KAT6B: variants seen among roughly 807,000 people sequenced by gnomAD.
The protein encoded by KAT6B is histone acetyltransferase KAT6B.
A neutral mutation model predicts 187.5 loss-of-function variants in KAT6B; 10 were observed. The ratio of observed to expected loss-of-function variants is 0.05; its 90% CI spans 0.03 to 0.09. KAT6B has a LOEUF of 0.09. Among genes scored for constraint, KAT6B ranks in the 10% least tolerant of loss-of-function variants. The probability of loss-of-function intolerance (pLI) is 1.00; values close to 1 mark genes in which losing one functional copy is unlikely to be tolerated. For synonymous variants in KAT6B, 861 were observed against 926.8 expected (o/e 0.93, Z 1.29); for missense variants, 1,952 against 2,558.9 (o/e 0.76, Z 5.12).
chr10:75,024,821 G>A, intron 16 of KAT6B, 137 bp from the exon 17 acceptor site: 2 of 775,896 alleles, frequency 2.6e-6, no homozygotes, highest in Admixed American at 4.1e-5. Flanking sequence ...TCAAATGGAA[G>A]GTTAAGTACA....
intron 13 of KAT6B, among the ~76,000 whole-genome samples, chr10:75,009,626 G>A (rs1332399232): frequency 6.6e-6 from 1 of 152,144 alleles, no homozygotes; most frequent in Non-Finnish European, 1.5e-5. Flanking sequence ...TAATGCTGCT[G>A]GTGACGATAC....
intron 3 of KAT6B, among the ~76,000 whole-genome samples, chr10:74,871,197 T>TC (rs1843928799): frequency 1.4e-5 from 2 of 139,300 alleles, no homozygotes; most frequent in Admixed American, 1.4e-4. Context: ...TTTTTTTTTT[T>TC]TTTTTTTTTT....
chr10:74,895,893 A>G (rs1845953996), intron 3 of KAT6B, among the ~76,000 whole-genome samples: 1 of 151,982 alleles, frequency 6.6e-6, no homozygotes, highest in Non-Finnish European at 1.5e-5. Flanking sequence ...ATGTCCAAAG[A>G]TTCCCTAAAA....
chr10:74,892,512 A>G (rs956348439), intron 3 of KAT6B, among the ~76,000 whole-genome samples: 2 of 152,198 alleles, frequency 1.3e-5, no homozygotes, highest in African/African-American at 4.8e-5. Flanking sequence ...TGATACCTCT[A>G]ACCACCTTTT....
chr10:74,830,012 G>A (rs1236747555), intron 1 of KAT6B, among the ~76,000 whole-genome samples: 2 of 133,394 alleles, frequency 1.5e-5, no homozygotes, highest in South Asian at 5.0e-4. Flanking sequence ...GCGAGACTCT[G>A]TCTCAAAAAA....
intron 3 of KAT6B, among the ~76,000 whole-genome samples, chr10:74,938,044 C>A (rs972224246): frequency 6.6e-6 from 1 of 152,200 alleles, no homozygotes; most frequent in East Asian, 1.9e-4. Flanking sequence ...CTCCTGGGCT[C>A]AAGCCATCCT....
intron 3 of KAT6B, among the ~76,000 whole-genome samples, chr10:74,884,067 TAGAC>T (rs751101694): frequency 9.2e-5 from 14 of 152,362 alleles, no homozygotes; most frequent in South Asian, 4.1e-4. Context: ...ACAGCCTACT[TAGAC>T]AGTTCCTTTA....
intron 3 of KAT6B, among the ~76,000 whole-genome samples, chr10:74,846,586 G>A (rs897000086): frequency 1.3e-4 from 20 of 151,996 alleles, no homozygotes; most frequent in African/African-American, 4.1e-4. Flanking sequence ...CTACAGGAGC[G>A]TGCCACCATG....
chr10:74,869,405 C>T (rs1470367018), intron 3 of KAT6B, among the ~76,000 whole-genome samples: 1 of 152,086 alleles, frequency 6.6e-6, no homozygotes, highest in Non-Finnish European at 1.5e-5. Context: ...TCAGGTGATT[C>T]TCCTGCTTCA....
chr10:74,876,350 C>CT (rs909734477), intron 3 of KAT6B, among the ~76,000 whole-genome samples: 3 of 151,952 alleles, frequency 2.0e-5, no homozygotes, highest in South Asian at 2.1e-4. Context: ...ACTGGCATTA[C>CT]TTTTTTTTCT....
intron 3 of KAT6B, among the ~76,000 whole-genome samples, chr10:74,853,109 CTTT>C (rs1233676750): frequency 2.6e-5 from 3 of 113,744 alleles, no homozygotes; most frequent in African/African-American, 8.0e-5. Context: ...TTTCTTTCAT[CTTT>C]TTTTTTTTTT....
At chr10:74,916,181 TAAATA>T (rs895427225) in intron 3 of KAT6B, among the ~76,000 whole-genome samples, 43 of 152,070 alleles carry the variant, frequency 2.8e-4, no homozygotes, top group African/African-American at 1.0e-3. Flanking sequence ...AAAAAATAAA[TAAATA>T]AAATCTATAA....
At chr10:74,854,908 A>G (rs954774342) in intron 3 of KAT6B, among the ~76,000 whole-genome samples, 5 of 152,154 alleles carry the variant, frequency 3.3e-5, no homozygotes, top group African/African-American at 9.7e-5. Context: ...CTTTACTTAC[A>G]AGTTCAATTT....
At chr10:75,024,319 C>G (rs1200623410) in intron 16 of KAT6B, 2 of 152,216 alleles carry the variant, frequency 1.3e-5, no homozygotes, top group Non-Finnish European at 2.9e-5. Flanking sequence ...TTTTTAGATT[C>G]CTTCTATTAA....
intron 3 of KAT6B, among the ~76,000 whole-genome samples, chr10:74,915,752 C>G (rs1041803077): frequency 2.0e-5 from 3 of 152,216 alleles, no homozygotes; most frequent in Admixed American, 6.5e-5. Context: ...CAAAAGGTTG[C>G]ATGTGCTGGT....
At chr10:74,892,370 A>C (rs543195303) in intron 3 of KAT6B, among the ~76,000 whole-genome samples, 1 of 152,128 alleles carries the variant, frequency 6.6e-6, no homozygotes, top group Admixed American at 6.5e-5. Flanking sequence ...CCTGTCTCCT[A>C]TAAAGGCAGC....
chr10:74,988,652 T>C (rs1205831388), intron 12 of KAT6B, among the ~76,000 whole-genome samples: 2 of 151,068 alleles, frequency 1.3e-5, no homozygotes, highest in Non-Finnish European at 2.9e-5. Context: ...AATCCTAACT[T>C]ACTCCACTGG....
chr10:74,921,815 TG>T (rs1271092443), intron 3 of KAT6B, among the ~76,000 whole-genome samples: 1 of 152,256 alleles, frequency 6.6e-6, no homozygotes, highest in Non-Finnish European at 1.5e-5. Flanking sequence ...CTTAAGCCAC[TG>T]TTGATTTTTG....
chr10:74,899,384 C>T lies in KAT6B; in HGVS notation c.621+55906C>T, dbSNP rs368687147. 1.2e-3 allele frequency among the ~76,000 whole-genome samples: 175 copies of T among 151,440 alleles called. 4 individuals are homozygous for T. In the South Asian group the frequency reaches 0.036, roughly 31 times the overall value. On this transcript the variant is annotated intron_variant, in intron 3 of 17. Transcript: ENST00000287239. ...TGCCTCTTGGGTTCAAGGGATTCTC[C>T]TGCCTCACCCTCCCCAGTAGCTGGG...
Sources: allele counts gnomAD v4.1 joint callset (sites outside exome capture counted in the v4.1 genomes callset), GRCh38; gene constraint gnomAD v4.1.1; transcripts MANE v1.5; gene names NCBI Gene and HGNC (gene_info 2026-07-23, HGNC 2026-07-21).